CTIF: variants seen among roughly 807,000 people sequenced by gnomAD.
CTIF encodes the protein CBP80/20-dependent translation initiation factor.
CTIF carries 21 observed loss-of-function variants against 66.0 expected under a neutral mutation model. The ratio of observed to expected loss-of-function variants is 0.32; its 90% CI spans 0.23 to 0.46. CTIF has a LOEUF of 0.46. Ranked by LOEUF, CTIF falls within the 20% of genes least tolerant of loss-of-function variation. CTIF has a pLI of 1.00. For missense variants in CTIF, 739 were observed against 812.7 expected (o/e 0.91, Z 1.10); for synonymous variants, 345 against 326.4 (o/e 1.06, Z -0.62).
At chr18:48,607,411 C>G (rs892221046) in intron 1 of CTIF, among the ~76,000 whole-genome samples, 3 of 152,248 alleles carry the variant, frequency 2.0e-5, no homozygotes, top group Admixed American at 6.5e-5. Flanking sequence ...CAAGCTGTGT[C>G]TGCTGGGTCC....
At chr18:48,608,546 G>A (rs2090247684) in intron 1 of CTIF, among the ~76,000 whole-genome samples, 3 of 152,146 alleles carry the variant, frequency 2.0e-5, no homozygotes, top group Admixed American at 1.3e-4. Context: ...GCATTCTGAG[G>A]GGTCTCTGTG....
At chr18:48,776,774 G>C (rs1367850443) in intron 9 of CTIF, among the ~76,000 whole-genome samples, 1 of 152,270 alleles carries the variant, frequency 6.6e-6, no homozygotes, top group Non-Finnish European at 1.5e-5. Flanking sequence ...GGTGGGAAGA[G>C]AAGATGGGAG....
chr18:48,844,026 CA>C (rs1320608067), intron 10 of CTIF, among the ~76,000 whole-genome samples: 1 of 152,226 alleles, frequency 6.6e-6, no homozygotes, highest in African/African-American at 2.4e-5. Context: ...AACAACCACT[CA>C]AAATATGTAA....
At position 48,758,365 on chromosome 18, in the gene CTIF, A is replaced by G. The variant is rs1908625845; in HGVS notation, c.1031A>G (p.Gln344Arg). Residue 344 changes from glutamine to arginine, a missense_variant, in exon 8 of 12, where the codon CAG becomes CGG. Coordinates refer to ENST00000256413, the MANE Select transcript of CTIF (RefSeq NM_014772.3). ...GAGCGGCCCAAAATTACCCTGCTCC[A>G]GTCTTCCAAAGACAGACTGCGGCGA... The part of the protein sequence containing the change: ...IGERPKITLL[Q>R]SSKDRLRRRL... 6.2e-7 allele frequency: 1 copy of G among 1,608,390 alleles called. No individual in the cohort carries two copies. The highest frequency in any genetic ancestry group is 8.5e-7 in the Non-Finnish European group (1 of 1,177,674).
chr18:48,571,473 A>C (rs967846287), intron 1 of CTIF, among the ~76,000 whole-genome samples: 2 of 152,196 alleles, frequency 1.3e-5, no homozygotes, highest in Non-Finnish European at 2.9e-5. Context: ...ACTTTTAAAA[A>C]TATTTTGTTT....
At chr18:48,795,557 G>A (rs572334877) in intron 9 of CTIF, among the ~76,000 whole-genome samples, 8 of 152,260 alleles carry the variant, frequency 5.3e-5, no homozygotes, top group Non-Finnish European at 8.8e-5. Context: ...TATCTTATTC[G>A]GGTTTCTTCA....
intron 7 of CTIF, among the ~76,000 whole-genome samples, chr18:48,753,576 G>A (rs73956023): frequency 0.022 from 3,344 of 151,402 alleles, 100 homozygotes; most frequent in African/African-American, 0.066. Flanking sequence ...GATGGAAAAA[G>A]CATAAACCGA....
At chr18:48,579,120 T>C (rs899532502) in intron 1 of CTIF, among the ~76,000 whole-genome samples, 2 of 151,926 alleles carry the variant, frequency 1.3e-5, no homozygotes, top group Non-Finnish European at 2.9e-5. Context: ...GGTATACTCA[T>C]AGCTTATTAT....
chr18:48,830,522 G>A (rs1251608441), intron 10 of CTIF, among the ~76,000 whole-genome samples: 1 of 152,132 alleles, frequency 6.6e-6, no homozygotes, highest in Non-Finnish European at 1.5e-5. Flanking sequence ...CTCACTGTCT[G>A]AGAGGTACAC....
chr18:48,794,133 C>G (rs2067856276), intron 9 of CTIF, among the ~76,000 whole-genome samples: 1 of 152,208 alleles, frequency 6.6e-6, no homozygotes, highest in African/African-American at 2.4e-5. Context: ...TGCCCCAGGG[C>G]CATTCTACCT....
intron 1 of CTIF, among the ~76,000 whole-genome samples, chr18:48,558,993 G>C (rs988367547): frequency 2.6e-5 from 4 of 152,198 alleles, no homozygotes; most frequent in Non-Finnish European, 5.9e-5. Flanking sequence ...TGTTGTAGGA[G>C]AGATAATCAC....
At chr18:48,769,825 A>G (rs1201314833) in intron 9 of CTIF, among the ~76,000 whole-genome samples, 1 of 152,236 alleles carries the variant, frequency 6.6e-6, no homozygotes, top group African/African-American at 2.4e-5. Context: ...CACCTGCTAT[A>G]TACCATGCAC....
chr18:48,735,045 ATGCATGTGTTATGTGCCTATGCATATG>A (rs1229646622), intron 7 of CTIF, among the ~76,000 whole-genome samples: 1 of 152,172 alleles, frequency 6.6e-6, no homozygotes, highest in Non-Finnish European at 1.5e-5. Flanking sequence ...AAGTATGTAT[ATGCATGTGTTATGTGCCTATGCATATG>A]TGCATGTATG....
chr18:48,617,340 C>G (rs754464625), intron 1 of CTIF, among the ~76,000 whole-genome samples: 1 of 152,228 alleles, frequency 6.6e-6, no homozygotes, highest in East Asian at 1.9e-4. Context: ...GTGCTTGGGT[C>G]AGGCCCTCCT....
chr18:48,638,296 A>C (rs1280971970), intron 3 of CTIF, among the ~76,000 whole-genome samples: 1 of 152,162 alleles, frequency 6.6e-6, no homozygotes, highest in Non-Finnish European at 1.5e-5. Flanking sequence ...ATGGGAAATA[A>C]GAGGTTTGTC....
intron 3 of CTIF, among the ~76,000 whole-genome samples, chr18:48,647,874 C>T (rs2091077502): frequency 6.6e-6 from 1 of 152,088 alleles, no homozygotes; most frequent in South Asian, 2.1e-4. Flanking sequence ...GAGTCTGGTA[C>T]TGGCAGAAAA....
intron 6 of CTIF, among the ~76,000 whole-genome samples, chr18:48,699,211 G>A (rs766396434): frequency 5.2e-4 from 79 of 152,328 alleles, no homozygotes; most frequent in Admixed American, 3.1e-3. Flanking sequence ...GCCGAGGCCT[G>A]AAATCTTCAG....
chr18:48,616,977 G>A (rs1470446255), intron 1 of CTIF, among the ~76,000 whole-genome samples: 1 of 152,186 alleles, frequency 6.6e-6, no homozygotes, highest in African/African-American at 2.4e-5. Flanking sequence ...TAAAACAATA[G>A]CATTCATTAT....
At chr18:48,563,150 G>C (rs562248355) in intron 1 of CTIF, among the ~76,000 whole-genome samples, 1 of 152,284 alleles carries the variant, frequency 6.6e-6, no homozygotes, top group Non-Finnish European at 1.5e-5. Flanking sequence ...GCAGATTAGT[G>C]ACTTGATTGG....
Sources: gnomAD v4.1 joint callset for allele counts (sites outside exome capture counted in the v4.1 genomes callset) on GRCh38, gnomAD v4.1.1 for gene constraint, MANE v1.5 for transcripts, NCBI Gene and HGNC (gene_info 2026-07-23, HGNC 2026-07-21) for gene names.